The following ASTN2 variants were observed in gnomAD, a reference collection of about 807,000 sequenced individuals.
ASTN2 encodes the protein astrotactin-2.
ASTN2 carries 54 observed loss-of-function variants against 139.8 expected under a neutral mutation model. That is an observed-to-expected ratio of 0.39 (90% confidence interval 0.31 to 0.48). The LOEUF (loss-of-function observed/expected upper bound fraction) is 0.48. Ranked by LOEUF, ASTN2 falls within the 20% of genes least tolerant of loss-of-function variation. The probability of loss-of-function intolerance (pLI) is 0.95; values close to 1 mark genes in which losing one functional copy is unlikely to be tolerated. For synonymous variants in ASTN2, 756 were observed against 719.5 expected, an observed-to-expected ratio of 1.05 and a Z score of -0.81; for missense variants, 1,565 against 1,725.1, an observed-to-expected ratio of 0.91 and a Z score of 1.64.
intron 3 of ASTN2, among the ~76,000 whole-genome samples, chr9:117,211,445 C>A (rs1832124113): frequency 6.6e-6 from 1 of 152,084 alleles, no homozygotes; most frequent in South Asian, 2.1e-4. Flanking sequence ...CTCACGAGAT[C>A]TGTTTGTTTA....
chr9:116,878,198 A>C (rs891332491), intron 10 of ASTN2, among the ~76,000 whole-genome samples: 1 of 152,210 alleles, frequency 6.6e-6, no homozygotes, highest in African/African-American at 2.4e-5. Flanking sequence ...ACCCCCTGTT[A>C]CTGGGTATAT....
chr9:116,802,637 T>C (rs1830893739), intron 13 of ASTN2, among the ~76,000 whole-genome samples: 1 of 152,184 alleles, frequency 6.6e-6, no homozygotes, highest in African/African-American at 2.4e-5. Context: ...GGCTCAATTA[T>C]CAAATGCCAG....
At position 116,440,704 on chromosome 9, in the gene ASTN2, T is replaced by C; in HGVS notation, c.3687A>G (p.Ser1229=). ...GCTGGACTCGGAACAGCATCGAGGC[T>C]GAGACCTCCATCAGTGTGTTGTAGG... ...QMAYNTLMEV[S]ASMLFRVQHH... The change falls in exon 22 of 23, where the codon TCA becomes TCG. Residue 1229 remains serine (S), a synonymous_variant. Coordinates refer to ENST00000313400, the MANE Select transcript of ASTN2 (RefSeq NM_001365068.1). The C allele has an allele frequency of 6.2e-7, 1 of 1,614,230 alleles. No individual in the cohort carries two copies. The highest frequency in any genetic ancestry group is 8.5e-7 in the Non-Finnish European group (1 of 1,180,032).
chr9:117,093,979 A>G (rs1052128941), intron 5 of ASTN2, among the ~76,000 whole-genome samples: 2 of 152,188 alleles, frequency 1.3e-5, no homozygotes. Flanking sequence ...TTTTGATATA[A>G]TACAAACCCC....
intron 3 of ASTN2, among the ~76,000 whole-genome samples, chr9:117,187,450 C>T (rs1169986195): frequency 6.6e-6 from 1 of 152,028 alleles, no homozygotes; most frequent in African/African-American, 2.4e-5. Context: ...AAGTCAACCC[C>T]CAATGTAATA....
intron 19 of ASTN2, among the ~76,000 whole-genome samples, chr9:116,498,141 A>C (rs1849728032): frequency 6.6e-6 from 1 of 152,188 alleles, no homozygotes; most frequent in Non-Finnish European, 1.5e-5. Context: ...GAGTTAAGGC[A>C]AGCCTTCCAA....
At chr9:116,951,501 T>G (rs1245997254) in intron 10 of ASTN2, among the ~76,000 whole-genome samples, 1 of 151,812 alleles carries the variant, frequency 6.6e-6, no homozygotes, top group Non-Finnish European at 1.5e-5. Flanking sequence ...GTGAATAGAG[T>G]CTACAAAGAT....
chr9:117,125,167 C>T (rs1829656323), intron 4 of ASTN2, among the ~76,000 whole-genome samples: 2 of 152,296 alleles, frequency 1.3e-5, no homozygotes, highest in South Asian at 4.1e-4. Context: ...TTAATAATCT[C>T]TTTGCAAAGC....
chr9:116,785,747 C>T (rs1422094869), intron 13 of ASTN2, among the ~76,000 whole-genome samples: 2 of 152,090 alleles, frequency 1.3e-5, no homozygotes, highest in East Asian at 3.9e-4. Context: ...ATCTGCCCAC[C>T]TCTCTCCATG....
intron 2 of ASTN2, among the ~76,000 whole-genome samples, chr9:117,267,048 C>G (rs1279011201): frequency 6.6e-6 from 1 of 152,180 alleles, no homozygotes; most frequent in Non-Finnish European, 1.5e-5. Context: ...TCATCAAGTA[C>G]ATAATTAGTC....
chr9:117,185,836 A>G (rs1483069731), intron 3 of ASTN2, among the ~76,000 whole-genome samples: 1 of 152,184 alleles, frequency 6.6e-6, no homozygotes, highest in Non-Finnish European at 1.5e-5. Flanking sequence ...AAAAGAGGCC[A>G]AGATTCATGA....
intron 3 of ASTN2, among the ~76,000 whole-genome samples, chr9:117,166,483 G>A (rs1488274868): frequency 1.3e-5 from 2 of 152,072 alleles, no homozygotes; most frequent in Non-Finnish European, 2.9e-5. Flanking sequence ...TGCAAGGAAG[G>A]CCCTTTACAG....
chr9:117,065,382 C>CT lies in ASTN2; in HGVS notation c.1277-25418dup, dbSNP rs775255663. Among the ~76,000 whole-genome samples the CT allele has an allele frequency of 2.6e-4, 39 of 152,200 alleles. No individual in the cohort carries two copies. In the East Asian group the frequency reaches 6.0e-3, roughly 23 times the overall value. ...CATCCTGCACATGGTGAGAACTTACCTTTTTTTCGAGACTCAGTATTAGTA... is the reference window on the plus strand; with the variant it reads ...CATCCTGCACATGGTGAGAACTTACCTTTTTTTTCGAGACTCAGTATTAGTA... On this transcript the variant is annotated intron_variant, in intron 5 of 22. Transcript: ENST00000313400.
At chr9:117,307,737 G>A (rs749683430) in intron 1 of ASTN2, among the ~76,000 whole-genome samples, 2 of 152,156 alleles carry the variant, frequency 1.3e-5, no homozygotes, top group Admixed American at 6.5e-5. Context: ...TTAACCCAAG[G>A]GCATACCCAA....
intron 19 of ASTN2, chr9:116,543,669 C>T (rs1283544274): frequency 6.6e-6 from 1 of 152,178 alleles, no homozygotes; most frequent in African/African-American, 2.4e-5. Flanking sequence ...GTCCCTCTCT[C>T]CAGTGGCCTC....
At chr9:117,321,686 C>T (rs143978666) in intron 1 of ASTN2, among the ~76,000 whole-genome samples, 4,761 of 152,224 alleles carry the variant, frequency 0.031, 92 homozygotes, top group Non-Finnish European at 0.047. Flanking sequence ...AAATAGGTAA[C>T]CACCTTCTCT....
intron 10 of ASTN2, among the ~76,000 whole-genome samples, chr9:116,921,678 G>C (rs1275761161): frequency 6.6e-6 from 1 of 151,954 alleles, no homozygotes; most frequent in Non-Finnish European, 1.5e-5. Flanking sequence ...TGGCTGGAGA[G>C]GCCTCAGGAA....
rs80171724 is a variant in ASTN2, at chr9:116,643,166, G to C, written c.3072+8362C>G. On this transcript the variant is annotated intron_variant, in intron 17 of 22. Transcript: ENST00000313400. ...GAGAACATATATAAATACACATGAA[G>C]CACTTTTTTAAATGCCAGGCACATA... Among the ~76,000 whole-genome samples the C allele has an allele frequency of 0.019, 2,918 of 152,238 alleles. 396 individuals are homozygous for C. The South Asian group carries it at 0.29, about 15-fold the overall frequency.
At chr9:116,880,163 C>G (rs1276427977) in intron 10 of ASTN2, among the ~76,000 whole-genome samples, 1 of 152,098 alleles carries the variant, frequency 6.6e-6, no homozygotes, top group Non-Finnish European at 1.5e-5. Flanking sequence ...GTGACAAAGT[C>G]ACAGGTACTG....
Sources: allele counts gnomAD v4.1 joint callset (sites outside exome capture counted in the v4.1 genomes callset), GRCh38; gene constraint gnomAD v4.1.1; transcripts MANE v1.5; gene names NCBI Gene and HGNC (gene_info 2026-07-23, HGNC 2026-07-21).